SRGAP2: variants seen among roughly 807,000 people sequenced by gnomAD.
The protein encoded by SRGAP2 is SLIT-ROBO Rho GTPase activating protein 2.
Under a neutral mutation model 57.2 loss-of-function variants are expected in SRGAP2, and 15 were observed. That is an observed-to-expected ratio of 0.26 (90% CI 0.18 to 0.40). The LOEUF (loss-of-function observed/expected upper bound fraction) is 0.40. Among genes scored for constraint, SRGAP2 ranks in the 10% least tolerant of loss-of-function variants. The pLI, the probability that SRGAP2 is intolerant of heterozygous loss-of-function variation, is 1.00. For synonymous variants in SRGAP2, 249 were observed against 248.0 expected (o/e 1.00, Z -0.04); for missense variants, 520 against 669.6 (o/e 0.78, Z 2.47).
In SRGAP2 at chr1:206,428,464, A is replaced by G. The variant is rs188254523; in HGVS notation, c.1495-1698A>G. Among the ~76,000 whole-genome samples the G allele has an allele frequency of 4.8e-4, 73 of 152,060 alleles. 1 individual carries two copies. The highest frequency in any genetic ancestry group is 1.6e-3 in the African/African-American group (66 of 41,478). On this transcript the variant is annotated intron_variant, in intron 13 of 22. Transcript: ENST00000573034. ...GAAAAAGAAATTGTATATATAAAAT[A>G]AAACCCTACTAGTTTTGAGTAATAC...
intron 21 of SRGAP2, chr1:206,456,263 A>G (rs1663822999): frequency 6.6e-6 from 1 of 152,132 alleles, no homozygotes; most frequent in Admixed American, 6.5e-5. Flanking sequence ...TCAAGTTAGT[A>G]AAGTCGTTTA....
At chr1:206,460,685 C>T (rs1216004895) in intron 22 of SRGAP2, among the ~76,000 whole-genome samples, 1 of 152,134 alleles carries the variant, frequency 6.6e-6, no homozygotes, top group Non-Finnish European at 1.5e-5. Context: ...TCCCCATGTA[C>T]TCATCACCAA....
chr1:206,236,959 A>G (rs1280960104), intron 2 of SRGAP2, among the ~76,000 whole-genome samples: 3 of 137,746 alleles, frequency 2.2e-5, no homozygotes, highest in African/African-American at 8.6e-5. Flanking sequence ...CCTGGGCTCA[A>G]GCCATCCTAC....
chr1:206,457,626 C>G (rs1663948110), intron 21 of SRGAP2, among the ~76,000 whole-genome samples: 1 of 152,240 alleles, frequency 6.6e-6, no homozygotes, highest in Admixed American at 6.5e-5. Context: ...GTGACTGATA[C>G]ATGCCAGGTC....
At chr1:206,418,470 AT>A (rs1467586856) in intron 11 of SRGAP2, among the ~76,000 whole-genome samples, 2 of 152,110 alleles carry the variant, frequency 1.3e-5, no homozygotes, top group Non-Finnish European at 2.9e-5. Context: ...GTGGGAGCTG[AT>A]TTTTACTTCC....
intron 4 of SRGAP2, among the ~76,000 whole-genome samples, chr1:206,373,018 TTTCTTTC>T (rs1654830339): frequency 9.9e-5 from 12 of 121,432 alleles, no homozygotes; most frequent in African/African-American, 3.7e-4. Context: ...TCTTTCTTTC[TTTCTTTC>T]TTTTCTTTCT....
At chr1:206,402,626 G>A (rs1658294626) in intron 8 of SRGAP2, among the ~76,000 whole-genome samples, 1 of 152,080 alleles carries the variant, frequency 6.6e-6, no homozygotes, top group Non-Finnish European at 1.5e-5. Context: ...ACTACTTCCT[G>A]TGTGTTAACT....
chr1:206,415,117 G>C (rs1182313584), intron 10 of SRGAP2, among the ~76,000 whole-genome samples: 2 of 152,204 alleles, frequency 1.3e-5, no homozygotes, highest in Non-Finnish European at 2.9e-5. Flanking sequence ...GATGATGATA[G>C]TTCCTAGGGT....
At chr1:206,449,716 T>TC (rs1269722425) in intron 18 of SRGAP2, among the ~76,000 whole-genome samples, 1 of 152,032 alleles carries the variant, frequency 6.6e-6, no homozygotes, top group African/African-American at 2.4e-5. Context: ...TCCCACCCTC[T>TC]CCTATGACTC....
At chr1:206,359,726 G>T (rs1227266508) in intron 4 of SRGAP2, among the ~76,000 whole-genome samples, 2 of 128,916 alleles carry the variant, frequency 1.6e-5, no homozygotes, top group Non-Finnish European at 3.2e-5. Context: ...ACATAAAAAA[G>T]TAAATATATA....
At chr1:206,458,188 A>G (rs1420855528) in intron 21 of SRGAP2, among the ~76,000 whole-genome samples, 3 of 152,226 alleles carry the variant, frequency 2.0e-5, no homozygotes, top group South Asian at 4.1e-4. Flanking sequence ...AAAAAGAGTC[A>G]TGCTAAAATT....
At chr1:206,306,644 T>G (rs1362817085) in intron 3 of SRGAP2, among the ~76,000 whole-genome samples, 19 of 152,294 alleles carry the variant, frequency 1.2e-4, no homozygotes, top group African/African-American at 4.6e-4. Context: ...CCGAGTGGCC[T>G]GTTTTGTCAG....
intron 2 of SRGAP2, among the ~76,000 whole-genome samples, chr1:206,267,956 A>G (rs1328360221): frequency 2.0e-5 from 3 of 150,532 alleles, no homozygotes. Flanking sequence ...AAAATAACAT[A>G]CAAATAAAAT....
At chr1:206,306,317 T>C (rs1347774676) in intron 3 of SRGAP2, among the ~76,000 whole-genome samples, 2 of 152,056 alleles carry the variant, frequency 1.3e-5, no homozygotes, top group African/African-American at 4.8e-5. Flanking sequence ...TCTCGCTGGC[T>C]CAGGAGTGAA....
chr1:206,373,870 A>G (rs1416378993), intron 4 of SRGAP2, among the ~76,000 whole-genome samples: 1 of 151,128 alleles, frequency 6.6e-6, no homozygotes, highest in Non-Finnish European at 1.5e-5. Context: ...CATCACCCCA[A>G]TGAGAGATTT....
chr1:206,425,949 C>T (rs1660764267), intron 13 of SRGAP2, among the ~76,000 whole-genome samples: 2 of 151,250 alleles, frequency 1.3e-5, no homozygotes, highest in South Asian at 4.2e-4. Context: ...TGGATTGAAG[C>T]AATTCTCCTG....
At chr1:206,374,125 C>T (rs1295161603) in intron 4 of SRGAP2, among the ~76,000 whole-genome samples, 5 of 149,316 alleles carry the variant, frequency 3.3e-5, no homozygotes, top group South Asian at 4.3e-4. Context: ...CCCGGGTTCA[C>T]GCCATTCTCC....
Position 206,372,973 on chromosome 1 carries a change from CTTTCTTTCTTTCTTTCTTTCTTTCTT to C in SRGAP2, c.424-11039_424-11014del, listed in dbSNP as rs1654776449. Among the ~76,000 whole-genome samples the C allele has an allele frequency of 8.5e-3, 264 of 31,194 alleles. 10 individuals are homozygous for C. The highest frequency in any genetic ancestry group is 0.032 in the African/African-American group (250 of 7,694). The allele number at this position is 31,194 out of a possible 152,430, so 20.5% of individuals were successfully genotyped here. On this transcript the variant is annotated intron_variant, in intron 4 of 22. Transcript: ENST00000573034. ...TTTCTTTCTTTTCTTTCCTTTCTTT[CTTTCTTTCTTTCTTTCTTTCTTTCTT>C]TCTTTCTTTCTTTCTTTCTTTCTTT... is the stretch of plus-strand genomic sequence containing the variant.
chr1:206,304,782 G>A (rs1672094859), intron 3 of SRGAP2, among the ~76,000 whole-genome samples: 1 of 147,716 alleles, frequency 6.8e-6, no homozygotes, highest in South Asian at 2.2e-4. Flanking sequence ...TTAGAGATAA[G>A]GTCTTGCTCT....
Sources: allele counts gnomAD v4.1 joint callset (sites outside exome capture counted in the v4.1 genomes callset), GRCh38; gene constraint gnomAD v4.1.1; transcripts MANE v1.5; gene names NCBI Gene and HGNC (gene_info 2026-07-23, HGNC 2026-07-21).